The following DIAPH2 variants were observed in gnomAD, a reference collection of about 807,000 sequenced individuals.
DIAPH2 encodes the protein diaphanous related formin 2, also known as protein diaphanous homolog 2.
DIAPH2 carries 35 observed loss-of-function variants against 92.7 expected under a neutral mutation model. The observed-to-expected ratio is 0.38, with a 90% CI of 0.29 to 0.50. The LOEUF (loss-of-function observed/expected upper bound fraction) is 0.50. Ranked by LOEUF, DIAPH2 falls within the 20% of genes least tolerant of loss-of-function variation. DIAPH2 has a pLI of 0.94. For synonymous variants in DIAPH2, 301 were observed against 280.4 expected (o/e 1.07, Z -0.73); for missense variants, 701 against 819.5 (o/e 0.86, Z 1.77).
At chrX:97,280,453 A>G (rs1486741493) in intron 23 of DIAPH2, among the ~76,000 whole-genome samples, 1 of 111,134 alleles carries the variant, frequency 9.0e-6, no homozygotes, top group African/African-American at 3.3e-5. Context: ...AGCCTGGGAG[A>G]CAGCGAGTCT....
At position 96,973,688 on chromosome X, in the gene DIAPH2, C is replaced by CTTT. The variant is rs1169211955; in HGVS notation, c.2050+8503_2050+8505dup. On this transcript the variant is annotated intron_variant, in intron 17 of 26. Coordinates refer to ENST00000324765, the MANE Select transcript of DIAPH2 (RefSeq NM_006729.5). ...TTTATAGCAGGCATTTGAATATTTG[C>CTTT]TTTTTTTTTTTTTTTTTTTTTTTTG... 2.8e-3 allele frequency among the ~76,000 whole-genome samples: 131 copies of CTTT among 46,685 alleles called. 3 individuals carry two copies. Among genetic ancestry groups the CTTT allele is most frequent in the African/African-American group, 7.0e-3 (76 of 10,918 alleles). 40.5% of individuals were successfully genotyped at this position (46,685 alleles called of 115,157 possible).
chrX:97,506,689 C>T (rs2070837350), intron 26 of DIAPH2, among the ~76,000 whole-genome samples: 1 of 110,528 alleles, frequency 9.0e-6, no homozygotes, highest in Admixed American at 9.7e-5. Context: ...TCGAGTGTCA[C>T]GTTATTTGGT....
chrX:96,850,234 G>A (rs1005150339), intron 4 of DIAPH2, among the ~76,000 whole-genome samples: 3 of 111,350 alleles, frequency 2.7e-5, no homozygotes, highest in South Asian at 3.8e-4. Flanking sequence ...GTCTTAAAAA[G>A]CATTTGTCTT....
At chrX:97,185,294 CAA>C (rs1306919184) in intron 22 of DIAPH2, among the ~76,000 whole-genome samples, 5 of 13,818 alleles carry the variant, frequency 3.6e-4, no homozygotes, top group South Asian at 8.4e-3. Context: ...GACCCTGTCT[CAA>C]AAAAAAAAAA....
chrX:97,500,168 G>A (rs909530031), intron 26 of DIAPH2, among the ~76,000 whole-genome samples: 8 of 111,926 alleles, frequency 7.1e-5, no homozygotes, highest in African/African-American at 2.6e-4. Context: ...ATTTCTGGCT[G>A]AATCTTTGGG....
intron 8 of DIAPH2, 55 bp from the exon 9 acceptor site, chrX:96,918,454 A>G (rs906451578): frequency 6.4e-6 from 5 of 775,404 alleles, no homozygotes; most frequent in African/African-American, 4.3e-5. Flanking sequence ...ACCGGTGCTC[A>G]TAGTGTCTGT....
chrX:96,891,324 A>G (rs1466570542), intron 5 of DIAPH2, among the ~76,000 whole-genome samples: 1 of 111,881 alleles, frequency 8.9e-6, no homozygotes, highest in Non-Finnish European at 1.9e-5. Context: ...AATGTTTACA[A>G]CTCTATTTAA....
intron 22 of DIAPH2, among the ~76,000 whole-genome samples, chrX:97,183,881 T>C (rs1222965489): frequency 8.9e-6 from 1 of 112,382 alleles, no homozygotes; most frequent in Non-Finnish European, 1.9e-5. Context: ...CTCTCTGATA[T>C]GGAACTGAAT....
At chrX:96,877,870 A>G (rs1226927421) in intron 4 of DIAPH2, among the ~76,000 whole-genome samples, 2 of 112,454 alleles carry the variant, frequency 1.8e-5, no homozygotes, top group Non-Finnish European at 3.8e-5. Context: ...TTTCAAATTA[A>G]GGAATGGCTT....
At chrX:97,014,736 C>G (rs1032591327) in intron 17 of DIAPH2, among the ~76,000 whole-genome samples, 1 of 112,244 alleles carries the variant, frequency 8.9e-6, no homozygotes, top group South Asian at 3.7e-4. Context: ...CTGCCACTTA[C>G]TAGCTAAGTG....
At chrX:97,295,709 A>T (rs2068637191) in intron 23 of DIAPH2, among the ~76,000 whole-genome samples, 1 of 107,440 alleles carries the variant, frequency 9.3e-6, no homozygotes, top group South Asian at 4.2e-4. Flanking sequence ...GTTGCTTGCT[A>T]AATTAATACA....
At chrX:96,812,238 T>G (rs940986986) in intron 4 of DIAPH2, among the ~76,000 whole-genome samples, 4 of 111,889 alleles carry the variant, frequency 3.6e-5, no homozygotes, top group Non-Finnish European at 5.6e-5. Flanking sequence ...TTCTTCCTGG[T>G]TTAGTCTTGG....
chrX:96,977,063 A>G (rs1436315552), intron 17 of DIAPH2, among the ~76,000 whole-genome samples: 1 of 111,374 alleles, frequency 9.0e-6, no homozygotes, highest in Non-Finnish European at 1.9e-5. Flanking sequence ...ATGCTGTAAC[A>G]ATGACTTTTA....
At chrX:96,720,703 C>T (rs2063983965) in intron 1 of DIAPH2, among the ~76,000 whole-genome samples, 1 of 111,466 alleles carries the variant, frequency 9.0e-6, no homozygotes, top group Admixed American at 9.5e-5. Flanking sequence ...GTCACATCAA[C>T]ATGGATTTTG....
chrX:97,520,614 C>T (rs1467766097), intron 26 of DIAPH2, among the ~76,000 whole-genome samples: 1 of 111,898 alleles, frequency 8.9e-6, no homozygotes, highest in East Asian at 2.8e-4. Flanking sequence ...AGAAAGATTT[C>T]AGGTGGTTTT....
intron 7 of DIAPH2, 56 bp downstream of exon 7, chrX:96,912,608 A>G: frequency 9.3e-7 from 1 of 1,076,545 alleles, no homozygotes; most frequent in South Asian, 2.9e-5. Context: ...GCCCAACACT[A>G]TGAAAGTATG....
chrX:97,396,627 CTCTG>C (rs2069707631), intron 25 of DIAPH2, among the ~76,000 whole-genome samples: 2 of 111,280 alleles, frequency 1.8e-5, no homozygotes, highest in African/African-American at 6.5e-5. Flanking sequence ...CAGAGTGAGA[CTCTG>C]TCTAAAAAAA....
intron 4 of DIAPH2, among the ~76,000 whole-genome samples, chrX:96,809,283 A>G (rs1350037724): frequency 2.8e-5 from 3 of 108,827 alleles, no homozygotes. Flanking sequence ...AAATAAATCA[A>G]TATGTTTGCA....
At chrX:97,296,720 C>T (rs1012257802) in intron 23 of DIAPH2, among the ~76,000 whole-genome samples, 2 of 111,548 alleles carry the variant, frequency 1.8e-5, no homozygotes, top group African/African-American at 6.5e-5. Flanking sequence ...CCTATTTTAA[C>T]CAGGGACATG....
Sources: allele counts gnomAD v4.1 joint callset (sites outside exome capture counted in the v4.1 genomes callset), GRCh38; gene constraint gnomAD v4.1.1; transcripts MANE v1.5; gene names NCBI Gene and HGNC (gene_info 2026-07-23, HGNC 2026-07-21).